GARNL3: variants seen among roughly 807,000 people sequenced by gnomAD.
GARNL3 encodes GTPase activating Rap/RanGAP domain like 3.
A neutral mutation model predicts 125.0 loss-of-function variants in GARNL3; 63 were observed. The ratio of observed to expected loss-of-function variants is 0.50; its 90% CI spans 0.41 to 0.62. The LOEUF (loss-of-function observed/expected upper bound fraction) is 0.62, where lower values mean the gene tolerates loss of function less well. Ranked by LOEUF, GARNL3 falls within the 20% of genes least tolerant of loss-of-function variation. The pLI, the probability that GARNL3 is intolerant of heterozygous loss-of-function variation, is 0.00. For synonymous variants in GARNL3, 439 were observed against 457.5 expected (o/e 0.96, Z 0.52); for missense variants, 994 against 1,244.0 (o/e 0.80, Z 3.02).
intron 22 of GARNL3, among the ~76,000 whole-genome samples, chr9:127,379,978 G>A (rs185329262): frequency 4.6e-5 from 7 of 152,222 alleles, no homozygotes; most frequent in Admixed American, 2.0e-4. Flanking sequence ...TCAGGAGTTC[G>A]AGACCAGCCT....
At chr9:127,248,221 G>C (rs1292044996) in intron 2 of GARNL3, among the ~76,000 whole-genome samples, 1 of 152,210 alleles carries the variant, frequency 6.6e-6, no homozygotes, top group Non-Finnish European at 1.5e-5. Flanking sequence ...ATGGAGAAGA[G>C]AGGTTGGAAG....
chr9:127,291,883 C>G (rs1350316290), intron 2 of GARNL3, among the ~76,000 whole-genome samples: 1 of 152,084 alleles, frequency 6.6e-6, no homozygotes, highest in Non-Finnish European at 1.5e-5. Context: ...GACCCTGACC[C>G]TGGGCAAGGA....
chr9:127,361,086 G>T (rs1013275054), intron 21 of GARNL3, among the ~76,000 whole-genome samples: 5 of 152,182 alleles, frequency 3.3e-5, no homozygotes, highest in African/African-American at 1.2e-4. Context: ...GAATCCAGTG[G>T]TTCTCAGCTG....
At chr9:127,348,375 C>T (rs1202654902) in intron 16 of GARNL3, among the ~76,000 whole-genome samples, 2 of 152,226 alleles carry the variant, frequency 1.3e-5, no homozygotes, top group Non-Finnish European at 2.9e-5. Flanking sequence ...GCTCTGTTTA[C>T]AGCTCTTGCC....
intron 2 of GARNL3, among the ~76,000 whole-genome samples, chr9:127,244,181 A>G (rs1564843964): frequency 6.6e-6 from 1 of 152,190 alleles, no homozygotes; most frequent in Non-Finnish European, 1.5e-5. Context: ...GGAACTCCCT[A>G]CTTATCCAGG....
At chr9:127,232,146 C>T (rs1373395519) in intron 1 of GARNL3, among the ~76,000 whole-genome samples, 2 of 152,130 alleles carry the variant, frequency 1.3e-5, no homozygotes, top group Non-Finnish European at 2.9e-5. Context: ...TTATTCTTGC[C>T]ACCCATCACT....
chr9:127,350,424 G>A (rs945869442), intron 17 of GARNL3, among the ~76,000 whole-genome samples: 7 of 152,182 alleles, frequency 4.6e-5, no homozygotes, highest in African/African-American at 1.7e-4. Context: ...GCACATAGTA[G>A]TAACTTATTA....
Position 127,247,781 on chromosome 9 carries a change from G to A in GARNL3, c.143+4532G>A, listed in dbSNP as rs1464979415. On this transcript the variant is annotated intron_variant, in intron 2 of 10. Coordinates refer to the GARNL3 transcript ENST00000439286. ...ATTTATTCTTTGTGTTACAAATAAC[G>A]CAATTATACTCTTTTAGTTATTTAA... Among the ~76,000 whole-genome samples, 5 of 151,966 alleles carry A rather than the reference G, an allele frequency of 3.3e-5. No homozygotes were observed. In the East Asian group the frequency reaches 5.8e-4, roughly 18 times the overall value.
At chr9:127,357,675 C>G (rs568424697) in intron 21 of GARNL3, among the ~76,000 whole-genome samples, 4 of 152,040 alleles carry the variant, frequency 2.6e-5, no homozygotes, top group African/African-American at 4.8e-5. Flanking sequence ...CAATGGCTCA[C>G]GCCTGTAATC....
intron 2 of GARNL3, among the ~76,000 whole-genome samples, chr9:127,246,534 G>A (rs1460479768): frequency 2.0e-5 from 3 of 152,134 alleles, no homozygotes; most frequent in Non-Finnish European, 2.9e-5. Context: ...GGCCAGGAGC[G>A]GTGGCTTATG....
chr9:127,290,732 A>G (rs1454370152), intron 1 of GARNL3, among the ~76,000 whole-genome samples: 1 of 152,214 alleles, frequency 6.6e-6, no homozygotes, highest in Admixed American at 6.5e-5. Flanking sequence ...TGAATGAAGC[A>G]CAGGCGCTTT....
At chr9:127,309,705 T>TC (rs1006558476) in intron 2 of GARNL3, among the ~76,000 whole-genome samples, 1 of 152,022 alleles carries the variant, frequency 6.6e-6, no homozygotes, top group Non-Finnish European at 1.5e-5. Flanking sequence ...ATACTGTGAT[T>TC]CCCCCCATTT....
In GARNL3 at chr9:127,335,236, C is replaced by T; in HGVS notation, c.776C>T (p.Thr259Ile). 1 of 1,609,882 alleles carries T rather than the reference C, an allele frequency of 6.2e-7. No homozygotes were observed. Among genetic ancestry groups the T allele is most frequent in the East Asian group, 2.2e-5 (1 of 44,864 alleles). ...GCATATTTATATTTTGCAGATGATA[C>T]CACAGGGATACATTCAGTTTATACT... ...YRGGLDTKND[T>I]TGIHSVYTVY... Residue 259 changes from threonine to isoleucine, a missense_variant, in exon 10 of 28, where the codon ACC (threonine) becomes ATC (isoleucine). Thr to Ile is a moderately conservative substitution (Grantham distance 89). Around this residue, in one of 5 missense-constraint regions of GARNL3, gnomAD observed 71 missense variants for 66.2 expected, o/e 1.07. Coordinates refer to ENST00000373387, the MANE Select transcript of GARNL3 (RefSeq NM_032293.5).
intron 1 of GARNL3, among the ~76,000 whole-genome samples, chr9:127,269,816 G>A (rs1217146135): frequency 7.2e-6 from 1 of 139,126 alleles, no homozygotes; most frequent in Non-Finnish European, 1.6e-5. Context: ...TCAAGTTGTA[G>A]GAGTTCTTTT....
At chr9:127,245,753 A>G (rs1588678068) in intron 2 of GARNL3, among the ~76,000 whole-genome samples, 5 of 152,110 alleles carry the variant, frequency 3.3e-5, no homozygotes, top group South Asian at 2.1e-4. Context: ...CAAAACCCCA[A>G]TGAGATAGGT....
rs997973542 is a variant in GARNL3 at position 127,317,680 on chromosome 9, C to T, written c.439-383C>T. 3.1e-4 allele frequency among the ~76,000 whole-genome samples: 47 copies of T among 152,232 alleles called. 1 individual carries two copies. The highest frequency in any genetic ancestry group is 2.2e-4 in the African/African-American group (9 of 41,560). On this transcript the variant is annotated intron_variant, in intron 4 of 27. Transcript: ENST00000373387. ...TGCATGAGCCGAGATCACACCACTG[C>T]GCTCCAGCCTAAGCAACAGAGCCAG...
intron 2 of GARNL3, chr9:127,300,150 C>A: frequency 6.2e-6 from 2 of 322,376 alleles, no homozygotes; most frequent in East Asian, 8.9e-5. Flanking sequence ...GCCAGTTTTC[C>A]TGAATAACAT....
At chr9:127,350,632 CGG>C (rs1830375631) in intron 17 of GARNL3, among the ~76,000 whole-genome samples, 1 of 151,794 alleles carries the variant, frequency 6.6e-6, no homozygotes, top group East Asian at 1.9e-4. Flanking sequence ...AAAAATTAGC[CGG>C]ATGTGGTGGC....
At chr9:127,227,260 C>T (rs919468795) in intron 1 of GARNL3, among the ~76,000 whole-genome samples, 1 of 152,162 alleles carries the variant, frequency 6.6e-6, no homozygotes, top group Non-Finnish European at 1.5e-5. Flanking sequence ...ATGACATTAT[C>T]TTATCAGCTG....
Sources: allele counts gnomAD v4.1 joint callset (sites outside exome capture counted in the v4.1 genomes callset), GRCh38; gene constraint gnomAD v4.1.1; regional missense constraint gnomAD v4.1.1; transcripts MANE v1.5; gene names NCBI Gene and HGNC (gene_info 2026-07-23, HGNC 2026-07-21).